The following ITGB6 variants were observed in gnomAD, a reference collection of about 807,000 sequenced individuals.
ITGB6 encodes integrin subunit beta 6.
Under a neutral mutation model 84.5 loss-of-function variants are expected in ITGB6, and 80 were observed. That is an observed-to-expected ratio of 0.95 (90% CI 0.79 to 1.14). The LOEUF is 1.14. ITGB6 is among the 50% of genes most tolerant of loss of function. ITGB6 has a pLI of 0.00. For missense variants in ITGB6, 1,006 were observed against 968.0 expected (o/e 1.04, Z -0.52); for synonymous variants, 383 against 354.9 (o/e 1.08, Z -0.89).
intron 12 of ITGB6, among the ~76,000 whole-genome samples, chr2:160,114,590 G>C (rs1191030131): frequency 1.3e-5 from 2 of 152,182 alleles, no homozygotes; most frequent in African/African-American, 2.4e-5. Context: ...GCAGAAGATG[G>C]GTGATTTCTG....
intron 13 of ITGB6, among the ~76,000 whole-genome samples, chr2:160,108,162 A>G (rs1393115576): frequency 1.3e-5 from 2 of 151,738 alleles, no homozygotes; most frequent in South Asian, 2.1e-4. Context: ...GAAAAAGACT[A>G]GTTTAATCAC....
At chr2:160,115,014 G>A (rs1381410948) in intron 12 of ITGB6, among the ~76,000 whole-genome samples, 1 of 152,206 alleles carries the variant, frequency 6.6e-6, no homozygotes, top group South Asian at 2.1e-4. Context: ...AAACTGGGTG[G>A]AGCCCACCAC....
In ITGB6 at chr2:160,199,922, C is replaced by T. The variant is rs545460492; in HGVS notation, c.61+81G>A. ...ATGGAACAGATCAAATAAAACATGA[C>T]TTCAGATCTAGTTTCTGAACCAAAT... On this transcript the variant is annotated intron_variant, in intron 1 of 14. Coordinates refer to ENST00000283249, the MANE Select transcript of ITGB6 (RefSeq NM_000888.5). The T allele has an allele frequency of 2.2e-4, 232 of 1,065,188 alleles. No individual in the cohort carries two copies. In the Middle Eastern group the frequency reaches 4.3e-3, roughly 20 times the overall value. 66.0% of individuals were successfully genotyped at this position (1,065,188 alleles called of 1,614,324 possible). A position where few individuals can be genotyped will look rare whatever the true frequency, so the allele number is the denominator to read the frequency against.
rs545198141 is a variant in ITGB6, at chr2:160,195,724, A to G, written c.347-109T>C. Reference sequence around the variant, plus strand: ...ATTTCACCTCAATAAGAACTTACTGAAATACATATGATTTTATTAACTGTG... The same window carrying G: ...ATTTCACCTCAATAAGAACTTACTGGAATACATATGATTTTATTAACTGTG... On this transcript the variant is annotated intron_variant, in intron 3 of 14. Transcript: ENST00000283249. 1.0e-5 allele frequency: 12 copies of G among 1,193,422 alleles called. No individual in the cohort carries two copies. In the African/African-American group the frequency reaches 1.2e-4, roughly 12 times the overall value. 73.9% of individuals were successfully genotyped at this position (1,193,422 alleles called of 1,614,324 possible). A position where few individuals can be genotyped will look rare whatever the true frequency, so the allele number is the denominator to read the frequency against.
chr2:160,167,859 C>T (rs1685060421), intron 7 of ITGB6, among the ~76,000 whole-genome samples: 1 of 152,170 alleles, frequency 6.6e-6, no homozygotes, highest in Non-Finnish European at 1.5e-5. Context: ...AAGTTCTGTG[C>T]AACTCCTCCT....
Position 160,172,758 on chromosome 2 carries a change from A to G in ITGB6, c.760-28T>C, listed in dbSNP as rs752336978. Reference sequence around the variant, plus strand: ...ACAGTGAGAAAGAAACATTTGTGTGATATTGGAGGGAGGCAGGCATTTATT... The same window carrying G: ...ACAGTGAGAAAGAAACATTTGTGTGGTATTGGAGGGAGGCAGGCATTTATT... On this transcript the variant is annotated intron_variant, in intron 5 of 14. Coordinates refer to ENST00000283249, the MANE Select transcript of ITGB6 (RefSeq NM_000888.5). 2.4e-5 allele frequency: 38 copies of G among 1,567,846 alleles called. No homozygotes were observed. In the Middle Eastern group the frequency reaches 5.0e-4, roughly 21 times the overall value.
intron 8 of ITGB6, 53 bp from the exon 9 acceptor site, chr2:160,138,252 C>A: frequency 2.7e-6 from 4 of 1,499,958 alleles, no homozygotes; most frequent in Non-Finnish European, 2.7e-6. Context: ...AAAATATAGC[C>A]AGAAGAAGAA....
intron 4 of ITGB6, among the ~76,000 whole-genome samples, chr2:160,188,798 G>T (rs1686014189): frequency 6.6e-6 from 1 of 151,860 alleles, no homozygotes; most frequent in Non-Finnish European, 1.5e-5. Flanking sequence ...TAGAGACAGG[G>T]TTTTACCACA....
At chr2:160,199,402 T>G (rs1686468496) in intron 1 of ITGB6, 144 bp from the exon 2 acceptor site, 2 of 606,878 alleles carry the variant, frequency 3.3e-6, no homozygotes, top group South Asian at 4.8e-5. Flanking sequence ...ATGTTAGCAA[T>G]TCACATAAAA....
At chr2:160,181,757 G>T (rs760792792) in intron 4 of ITGB6, among the ~76,000 whole-genome samples, 2 of 152,162 alleles carry the variant, frequency 1.3e-5, no homozygotes, top group African/African-American at 2.4e-5. Context: ...GACATCTGGC[G>T]GGTGCCCCTC....
chr2:160,180,614 A>C (rs540491942), intron 4 of ITGB6, among the ~76,000 whole-genome samples: 1 of 152,304 alleles, frequency 6.6e-6, no homozygotes, highest in Admixed American at 6.5e-5. Context: ...AACTATTTTC[A>C]CAGTAATTCA....
rs75442067 is a variant in ITGB6 at position 160,111,544 on chromosome 2, T to A, written c.2101+536A>T. Among the ~76,000 whole-genome samples, 319 of 151,404 alleles carry A rather than the reference T, an allele frequency of 2.1e-3. 1 individual carries two copies. In the East Asian group the frequency reaches 0.028, roughly 13 times the overall value. Reference sequence around the variant, plus strand: ...CTGAGCTTCAAGGCCAAGTTCACAATCATCTTCAGATTTCAGGAAGATGAT... The same window carrying A: ...CTGAGCTTCAAGGCCAAGTTCACAAACATCTTCAGATTTCAGGAAGATGAT... On this transcript the variant is annotated intron_variant, in intron 13 of 14. Transcript: ENST00000283249.
chr2:160,150,273 A>C (rs1395397503), intron 7 of ITGB6, among the ~76,000 whole-genome samples: 1 of 152,212 alleles, frequency 6.6e-6, no homozygotes, highest in Non-Finnish European at 1.5e-5. Flanking sequence ...CAGAAACCCT[A>C]CAAGCCAGAA....
chr2:160,166,866 C>T (rs553314245), intron 7 of ITGB6, among the ~76,000 whole-genome samples: 2 of 152,338 alleles, frequency 1.3e-5, no homozygotes, highest in South Asian at 4.1e-4. Context: ...AATGTACAGG[C>T]ACACTACACA....
In ITGB6 at chr2:160,174,040, T is replaced by C. The variant is rs781387177; in HGVS notation, c.693A>G (p.Lys231=). The change falls in exon 5 of 15, where the codon AAA becomes AAG. Residue 231 remains lysine (K), a synonymous_variant. Transcript: ENST00000283249. The part of the protein sequence containing the change: ...ERFNEIVKNQ[K]ISANIDTPEG... ...CGGGTGTGTCAATATTAGCAGAAATTTTCTGATTCTTCACAATTTCATTGA... is the reference window on the plus strand; with the variant it reads ...CGGGTGTGTCAATATTAGCAGAAATCTTCTGATTCTTCACAATTTCATTGA... The C allele has an allele frequency of 5.0e-6, 8 of 1,613,518 alleles. No individual in the cohort carries two copies. In the South Asian group the frequency reaches 8.8e-5, roughly 18 times the overall value.
At chr2:160,188,331 A>G (rs1685985399) in intron 4 of ITGB6, among the ~76,000 whole-genome samples, 1 of 152,198 alleles carries the variant, frequency 6.6e-6, no homozygotes, top group Non-Finnish European at 1.5e-5. Flanking sequence ...TGGAAATGGG[A>G]AACATATAAT....
intron 12 of ITGB6, among the ~76,000 whole-genome samples, chr2:160,113,883 T>A (rs184370298): frequency 2.7e-4 from 41 of 152,182 alleles, no homozygotes; most frequent in Non-Finnish European, 1.0e-4. Context: ...TAGCTAGGGT[T>A]CATGAAGTCT....
At chr2:160,131,776 G>C (rs768209215) in intron 10 of ITGB6, among the ~76,000 whole-genome samples, 1 of 152,156 alleles carries the variant, frequency 6.6e-6, no homozygotes, top group Non-Finnish European at 1.5e-5. Flanking sequence ...TTTCTAAATA[G>C]AATTTCTGTA....
intron 8 of ITGB6, 101 bp from the exon 9 acceptor site, chr2:160,138,300 A>G (rs1683853934): frequency 8.5e-7 from 1 of 1,172,766 alleles, no homozygotes; most frequent in Non-Finnish European, 1.2e-6. Context: ...AATAAATAAA[A>G]CTAAATTGGG....
Sources: allele counts gnomAD v4.1 joint callset (sites outside exome capture counted in the v4.1 genomes callset), GRCh38; gene constraint gnomAD v4.1.1; transcripts MANE v1.5; gene names NCBI Gene and HGNC (gene_info 2026-07-23, HGNC 2026-07-21).